ARHGAP24: variants seen among roughly 807,000 people sequenced by gnomAD.
ARHGAP24 encodes Rho GTPase activating protein 24, also known as rho GTPase-activating protein 24.
Under a neutral mutation model 76.4 loss-of-function variants are expected in ARHGAP24, and 50 were observed. The ratio of observed to expected loss-of-function variants is 0.65; its 90% CI spans 0.52 to 0.83. The LOEUF is 0.83. ARHGAP24 is among the 40% of genes least tolerant of loss of function. The pLI is 0.00. For missense variants in ARHGAP24, 930 were observed against 914.2 expected (o/e 1.02, Z -0.22); for synonymous variants, 345 against 323.3 (o/e 1.07, Z -0.72).
At chr4:85,860,182 A>G (rs1401990048) in intron 3 of ARHGAP24, among the ~76,000 whole-genome samples, 1 of 152,102 alleles carries the variant, frequency 6.6e-6, no homozygotes, top group East Asian at 1.9e-4. Flanking sequence ...TTTAGAATGA[A>G]TTAGGCATGG....
intron 3 of ARHGAP24, among the ~76,000 whole-genome samples, chr4:85,870,983 A>G (rs1386991266): frequency 6.6e-6 from 1 of 152,128 alleles, no homozygotes; most frequent in Non-Finnish European, 1.5e-5. Context: ...GGTGATGTTG[A>G]AATAAGAGGA....
intron 1 of ARHGAP24, among the ~76,000 whole-genome samples, chr4:85,534,384 C>T (rs1725383506): frequency 1.3e-5 from 2 of 152,136 alleles, no homozygotes; most frequent in Non-Finnish European, 1.5e-5. Flanking sequence ...TGTAAGACTG[C>T]AGGAAGAAGC....
intron 3 of ARHGAP24, among the ~76,000 whole-genome samples, chr4:85,829,882 A>G (rs1294270460): frequency 6.6e-6 from 1 of 152,224 alleles, no homozygotes; most frequent in Non-Finnish European, 1.5e-5. Flanking sequence ...ATCAGTGTAT[A>G]CAGCCAAGAA....
chr4:85,529,664 G>T (rs561253926), intron 1 of ARHGAP24, among the ~76,000 whole-genome samples: 3 of 152,106 alleles, frequency 2.0e-5, no homozygotes, highest in Admixed American at 2.0e-4. Context: ...CCTTCCCAAT[G>T]TGACAACCAA....
chr4:85,859,673 C>A (rs760003850), intron 3 of ARHGAP24, among the ~76,000 whole-genome samples: 1 of 152,020 alleles, frequency 6.6e-6, no homozygotes, highest in Non-Finnish European at 1.5e-5. Context: ...GGGTCCTCAC[C>A]GCTATCAGAT....
At chr4:85,881,246 C>T (rs148701434) in intron 3 of ARHGAP24, among the ~76,000 whole-genome samples, 1 of 152,032 alleles carries the variant, frequency 6.6e-6, no homozygotes, top group Admixed American at 6.5e-5. Flanking sequence ...CAAGACAGCA[C>T]GATTTCATCA....
At chr4:85,827,461 CGT>C (rs56379272) in intron 3 of ARHGAP24, among the ~76,000 whole-genome samples, 22,048 of 108,124 alleles carry the variant, frequency 0.2, 1,872 homozygotes, top group Non-Finnish European at 0.27. Context: ...GAAGTCTGCC[CGT>C]GTGTGTGTGT....
At chr4:85,593,204 A>G (rs189612871) in intron 2 of ARHGAP24, among the ~76,000 whole-genome samples, 2 of 152,256 alleles carry the variant, frequency 1.3e-5, no homozygotes, top group East Asian at 3.9e-4. Context: ...CTGATGATCA[A>G]TGATGTTGAG....
chr4:85,680,238 G>A (rs775116677), intron 2 of ARHGAP24, among the ~76,000 whole-genome samples: 3 of 152,006 alleles, frequency 2.0e-5, no homozygotes, highest in Admixed American at 6.6e-5. Context: ...AATTCCAGAG[G>A]TTTACCTTTA....
At chr4:85,983,824 C>A (rs561027401) in intron 8 of ARHGAP24, among the ~76,000 whole-genome samples, 1 of 152,260 alleles carries the variant, frequency 6.6e-6, no homozygotes, top group African/African-American at 2.4e-5. Flanking sequence ...CATTTTCTTA[C>A]GTCCACAAAT....
chr4:85,505,367 G>C (rs1195560123), intron 1 of ARHGAP24, among the ~76,000 whole-genome samples: 1 of 152,128 alleles, frequency 6.6e-6, no homozygotes, highest in East Asian at 1.9e-4. Context: ...CCAATCAAAC[G>C]TTGATTTGGT....
At chr4:85,528,547 G>A (rs1029339225) in intron 1 of ARHGAP24, among the ~76,000 whole-genome samples, 5 of 151,974 alleles carry the variant, frequency 3.3e-5, no homozygotes, top group African/African-American at 1.2e-4. Flanking sequence ...TGGCAGTTGC[G>A]AGAATTAACC....
At chr4:85,663,068 G>A (rs904897405) in intron 2 of ARHGAP24, among the ~76,000 whole-genome samples, 9 of 151,978 alleles carry the variant, frequency 5.9e-5, no homozygotes, top group Admixed American at 5.9e-4. Flanking sequence ...GTCATTGGTA[G>A]CTTGATGGGG....
intron 1 of ARHGAP24, among the ~76,000 whole-genome samples, chr4:85,556,534 A>T (rs1726378535): frequency 6.6e-6 from 1 of 152,260 alleles, no homozygotes; most frequent in East Asian, 1.9e-4. Flanking sequence ...TACTGCTGCA[A>T]CTGCAATGTC....
intron 2 of ARHGAP24, among the ~76,000 whole-genome samples, chr4:85,638,875 A>T (rs945819625): frequency 1.3e-4 from 20 of 152,178 alleles, no homozygotes; most frequent in Non-Finnish European, 2.5e-4. Flanking sequence ...ACAAGAACCT[A>T]ATACTCTTGG....
Position 85,651,620 on chromosome 4 carries a change from A to G in ARHGAP24, c.181-70265A>G, listed in dbSNP as rs138839238. On this transcript the variant is annotated intron_variant, in intron 2 of 9. Transcript: ENST00000395184. Reference sequence around the variant, plus strand: ...CATAATTACTAGTGTTTTATTATTAATACTCACTTTTAGTCTTTACCCAAA... The same window carrying G: ...CATAATTACTAGTGTTTTATTATTAGTACTCACTTTTAGTCTTTACCCAAA... Among the ~76,000 whole-genome samples, 17 of 148,962 alleles carry G rather than the reference A, an allele frequency of 1.1e-4. 1 individual carries two copies. Among genetic ancestry groups the G allele is most frequent in the African/African-American group, 3.6e-4 (14 of 38,714 alleles).
chr4:85,830,076 A>T (rs1174591962), intron 3 of ARHGAP24, among the ~76,000 whole-genome samples: 1 of 152,230 alleles, frequency 6.6e-6, no homozygotes, highest in Non-Finnish European at 1.5e-5. Flanking sequence ...CTTTATTTAC[A>T]TATTTGATAA....
chr4:85,514,941 T>C (rs557222336), intron 1 of ARHGAP24, among the ~76,000 whole-genome samples: 1 of 149,664 alleles, frequency 6.7e-6, no homozygotes, highest in South Asian at 2.1e-4. Context: ...CAAGGATCCA[T>C]AGTGAAGACA....
At chr4:85,749,222 G>C (rs140713123) in intron 3 of ARHGAP24, among the ~76,000 whole-genome samples, 48 of 152,276 alleles carry the variant, frequency 3.2e-4, no homozygotes, top group African/African-American at 1.1e-3. Flanking sequence ...TTCAACTCTT[G>C]CTCTACAAGC....
Sources: gnomAD v4.1 joint callset for allele counts (sites outside exome capture counted in the v4.1 genomes callset) on GRCh38, gnomAD v4.1.1 for gene constraint, MANE v1.5 for transcripts, NCBI Gene and HGNC (gene_info 2026-07-23, HGNC 2026-07-21) for gene names.